NNMT: variants seen among roughly 807,000 people sequenced by gnomAD.
NNMT encodes nicotinamide N-methyltransferase.
NNMT carries 10 observed loss-of-function variants against 11.7 expected under a neutral mutation model. That is an observed-to-expected ratio of 0.85 (90% CI 0.53 to 1.45). NNMT has a LOEUF of 1.45. Ranked by LOEUF, NNMT falls within the 40% of genes most tolerant of loss-of-function variation. The pLI, the probability that NNMT is intolerant of heterozygous loss-of-function variation, is 0.00. For missense variants in NNMT, 381 were observed against 319.4 expected (o/e 1.19, Z -1.47); for synonymous variants, 143 against 133.8 (o/e 1.07, Z -0.48).
rs1161916881 is a variant in NNMT, at chr11:114,312,032, T to G, written c.363-13T>G. ...GGAGTGGAAAACAATGTCTGTGGGT[T>G]TGTGTTTTTCAGAGTCAAGGGTCCA... On this transcript the variant is annotated splice_polypyrimidine_tract_variant and intron_variant, in intron 2 of 2. Coordinates refer to ENST00000299964, the MANE Select transcript of NNMT (RefSeq NM_006169.3). 27 of 1,542,758 alleles carry G rather than the reference T, an allele frequency of 1.8e-5. No homozygotes were observed. Among genetic ancestry groups the G allele is most frequent in the Non-Finnish European group, 2.2e-5 (25 of 1,142,506 alleles).
At chr11:114,279,977 G>C (rs1457258211) in intron 2 of NNMT, among the ~76,000 whole-genome samples, 1 of 152,150 alleles carries the variant, frequency 6.6e-6, no homozygotes, top group Non-Finnish European at 1.5e-5. Context: ...GGGCGTCGAA[G>C]GTGTTTCAGG....
chr11:114,268,826 AAT>A (rs1319035381), intron 2 of NNMT, among the ~76,000 whole-genome samples: 1 of 151,360 alleles, frequency 6.6e-6, no homozygotes, highest in East Asian at 1.9e-4. Flanking sequence ...AGAGCTCCTG[AAT>A]CAGAATTTGT....
rs562426461 is a variant in NNMT, at chr11:114,312,193, C to T, written c.511C>T (p.Pro171Ser). ...CACACTGTGTCTGGATGCCGCCTGC[C>T]CAGACCTCCCCACCTACTGCAGGGC... ...LSTLCLDAACPDLPTYCRALR... is the reference protein window; with the variant it reads ...LSTLCLDAACSDLPTYCRALR... The change falls in exon 3 of 3, where the codon CCA becomes TCA. Residue 171 changes from proline to serine, a missense_variant. Physicochemically the swap from Pro to Ser is moderately conservative, Grantham distance 74. Coordinates refer to ENST00000299964, the MANE Select transcript of NNMT (RefSeq NM_006169.3). The T allele has an allele frequency of 1.2e-6, 2 of 1,614,202 alleles. No homozygotes were observed. The highest frequency in any genetic ancestry group is 1.1e-5 in the South Asian group (1 of 91,086).
chr11:114,303,407 A>C (rs905378745), intron 2 of NNMT, among the ~76,000 whole-genome samples: 12 of 152,174 alleles, frequency 7.9e-5, no homozygotes, highest in Non-Finnish European at 1.8e-4. Flanking sequence ...AATTTAAAGT[A>C]TTATTTTTAT....
chr11:114,296,635 T>C lies in NNMT; in HGVS notation c.79T>C (p.Phe27Leu). 6.2e-7 allele frequency: 1 copy of C among 1,614,108 alleles called. No individual in the cohort carries two copies. The highest frequency in any genetic ancestry group is 1.6e-4 in the Middle Eastern group (1 of 6,062). Residue 27 changes from phenylalanine (F) to leucine (L), a missense_variant, in exon 1 of 3, where the codon TTT becomes CTT. Coordinates refer to ENST00000299964, the MANE Select transcript of NNMT (RefSeq NM_006169.3). ...GGATTACCTAGAAAAATATTACAAG[T>C]TTGGTTCTAGGCACTCTGCAGAAAG... ...PRDYLEKYYK[F>L]GSRHSAESQI...
chr11:114,284,806 G>A (rs1427574059), intron 2 of NNMT, among the ~76,000 whole-genome samples: 1 of 107,034 alleles, frequency 9.3e-6, no homozygotes, highest in Admixed American at 1.4e-4. Context: ...GTATTGCTCT[G>A]TCACCCAGGC....
chr11:114,270,997 T>C (rs1370179654), intron 2 of NNMT, among the ~76,000 whole-genome samples: 2 of 152,032 alleles, frequency 1.3e-5, no homozygotes, highest in Admixed American at 1.3e-4. Context: ...GGCTGGTCTT[T>C]AACTCCTAAC....
intron 2 of NNMT, among the ~76,000 whole-genome samples, chr11:114,263,247 G>A (rs1319576205): frequency 6.6e-6 from 1 of 152,034 alleles, no homozygotes; most frequent in East Asian, 1.9e-4. Flanking sequence ...AAGCACCAAT[G>A]AAACTGAGTA....
At position 114,279,600 on chromosome 11, in the gene NNMT, T is replaced by A. The variant is rs565610729; in HGVS notation, c.-130+16666T>A. Among the ~76,000 whole-genome samples, 7 of 152,242 alleles carry A rather than the reference T, an allele frequency of 4.6e-5. No homozygotes were observed. The South Asian group carries it at 1.5e-3, about 32-fold the overall frequency. ...GGAGTTTAGGAAGATGCTGGGTGAA[T>A]GATGTGATGTTTCATTTGGCTCATT... On this transcript the variant is annotated intron_variant, in intron 2 of 4. Coordinates refer to the NNMT transcript ENST00000535401.
At chr11:114,297,255 C>A (rs1298691132) in intron 1 of NNMT, 2 of 152,354 alleles carry the variant, frequency 1.3e-5, no homozygotes, top group Admixed American at 1.3e-4. Flanking sequence ...TTTTTACCTT[C>A]TCCTAGACCT....
intron 1 of NNMT, among the ~76,000 whole-genome samples, chr11:114,260,654 TC>T (rs1293361937): frequency 6.6e-6 from 1 of 152,044 alleles, no homozygotes; most frequent in African/African-American, 2.4e-5. Flanking sequence ...TGCCCTCAAA[TC>T]CCCTGAGGCA....
chr11:114,291,183 G>C (rs767863712), intron 2 of NNMT, among the ~76,000 whole-genome samples: 29 of 152,170 alleles, frequency 1.9e-4, no homozygotes, highest in Admixed American at 7.2e-4. Context: ...TGGATTCTGT[G>C]TATTGATGTC....
chr11:114,259,381 T>G (rs1214279143), intron 1 of NNMT, among the ~76,000 whole-genome samples: 1 of 150,024 alleles, frequency 6.7e-6, no homozygotes, highest in Non-Finnish European at 1.5e-5. Flanking sequence ...CCCACACCTG[T>G]GCTCATGTCG....
At chr11:114,266,768 G>A (rs1945123350) in intron 2 of NNMT, among the ~76,000 whole-genome samples, 1 of 152,190 alleles carries the variant, frequency 6.6e-6, no homozygotes, top group Non-Finnish European at 1.5e-5. Flanking sequence ...AGAAAAACAA[G>A]CTCTCTCTGG....
intron 1 of NNMT, among the ~76,000 whole-genome samples, chr11:114,262,150 A>G (rs1945088381): frequency 6.6e-6 from 1 of 152,208 alleles, no homozygotes; most frequent in South Asian, 2.1e-4. Flanking sequence ...CGCTGAAGTC[A>G]GCTCCTGCCT....
chr11:114,298,396 A>G, intron 2 of NNMT: 1 of 502,280 alleles, frequency 2.0e-6, no homozygotes, highest in South Asian at 2.2e-5. Flanking sequence ...GAAGAAATGG[A>G]TACTGAGCAA....
chr11:114,287,070 G>A (rs1011108914), intron 2 of NNMT, among the ~76,000 whole-genome samples: 22 of 152,258 alleles, frequency 1.4e-4, no homozygotes, highest in South Asian at 1.2e-3. Flanking sequence ...GTCTGTTCAA[G>A]TTTTTTGTTT....
chr11:114,279,269 T>C (rs192109284), intron 2 of NNMT, among the ~76,000 whole-genome samples: 2 of 152,270 alleles, frequency 1.3e-5, no homozygotes, highest in Admixed American at 6.5e-5. Flanking sequence ...CAGCGTGCTT[T>C]TATTAAGTCC....
chr11:114,303,186 C>T (rs929418410), intron 2 of NNMT, among the ~76,000 whole-genome samples: 6 of 152,138 alleles, frequency 3.9e-5, no homozygotes, highest in African/African-American at 1.4e-4. Context: ...CATCATTTTC[C>T]TTCACCTGAA....
Sources: gnomAD v4.1 joint callset for allele counts (sites outside exome capture counted in the v4.1 genomes callset) on GRCh38, gnomAD v4.1.1 for gene constraint, MANE v1.5 for transcripts, NCBI Gene and HGNC (gene_info 2026-07-23, HGNC 2026-07-21) for gene names.